The following VPS54 variants were observed in gnomAD, a reference collection of about 807,000 sequenced individuals.
VPS54 encodes the protein vacuolar protein sorting-associated protein 54.
Under a neutral mutation model 121.5 loss-of-function variants are expected in VPS54, and 45 were observed. The ratio of observed to expected loss-of-function variants is 0.37; its 90% CI spans 0.29 to 0.47. VPS54 has a LOEUF of 0.47. VPS54 is among the 20% of genes least tolerant of loss of function. The probability of loss-of-function intolerance (pLI) is 0.99; values close to 1 mark genes in which losing one functional copy is unlikely to be tolerated. For synonymous variants in VPS54, 371 were observed against 385.8 expected, an observed-to-expected ratio of 0.96 and a Z score of 0.45; for missense variants, 1,090 against 1,131.4, an observed-to-expected ratio of 0.96 and a Z score of 0.52.
chr2:64,017,950 C>A (rs911451556), intron 1 of VPS54, among the ~76,000 whole-genome samples: 9 of 152,180 alleles, frequency 5.9e-5, no homozygotes, highest in Non-Finnish European at 1.3e-4. Flanking sequence ...TCCCTCTGTT[C>A]CATCATTTAA....
chr2:63,993,845 G>A (rs888937664), intron 1 of VPS54, among the ~76,000 whole-genome samples: 1 of 152,146 alleles, frequency 6.6e-6, no homozygotes, highest in Admixed American at 6.5e-5. Context: ...TGGAAATGCT[G>A]GTTATGTAGG....
intron 7 of VPS54, among the ~76,000 whole-genome samples, chr2:63,960,221 G>A (rs538806165): frequency 6.6e-6 from 1 of 152,004 alleles, no homozygotes; most frequent in Non-Finnish European, 1.5e-5. Context: ...CTGGGCAGCA[G>A]AATAAAAACC....
chr2:63,905,798 G>C (rs911192781), intron 20 of VPS54, among the ~76,000 whole-genome samples: 1 of 151,890 alleles, frequency 6.6e-6, no homozygotes, highest in Non-Finnish European at 1.5e-5. Flanking sequence ...TCCTTAAGTA[G>C]GTTTATCCTA....
chr2:63,925,480 T>C lies in VPS54; in HGVS notation c.1740-4145A>G, dbSNP rs555016557. On this transcript the variant is annotated intron_variant, in intron 12 of 22. Transcript: ENST00000272322. ...GAGAAATTGTTAGGCATTAGCTAAATTGACCATTCACATACTTTGTTTCCA... is the reference window on the plus strand; with the variant it reads ...GAGAAATTGTTAGGCATTAGCTAAACTGACCATTCACATACTTTGTTTCCA... Among the ~76,000 whole-genome samples the C allele has an allele frequency of 5.3e-5, 8 of 152,374 alleles. No homozygotes were observed. In the East Asian group the frequency reaches 5.8e-4, roughly 11 times the overall value.
At chr2:63,926,038 T>C (rs1461777184) in intron 12 of VPS54, among the ~76,000 whole-genome samples, 1 of 152,236 alleles carries the variant, frequency 6.6e-6, no homozygotes, top group African/African-American at 2.4e-5. Flanking sequence ...AGATGGAAGG[T>C]GGGCTTAGTT....
At chr2:63,923,608 T>C (rs1673751566) in intron 12 of VPS54, among the ~76,000 whole-genome samples, 1 of 152,194 alleles carries the variant, frequency 6.6e-6, no homozygotes. Flanking sequence ...GAATGGAATA[T>C]TATTCAGCCT....
At chr2:64,006,786 T>C (rs1443634295) in intron 1 of VPS54, among the ~76,000 whole-genome samples, 1 of 151,970 alleles carries the variant, frequency 6.6e-6, no homozygotes, top group East Asian at 1.9e-4. Context: ...GCCCAGCTAA[T>C]TTCTGTAATT....
At chr2:63,913,931 G>T in intron 17 of VPS54, 1 of 1,274,362 alleles carries the variant, frequency 7.8e-7, no homozygotes, top group Non-Finnish European at 9.9e-7. Context: ...AGCACCTAAC[G>T]AACAAATCAT....
At position 63,912,603 on chromosome 2, in the gene VPS54, A is replaced by G; in HGVS notation, c.2481T>C (p.His827=). 1 of 1,596,626 alleles carries G rather than the reference A, an allele frequency of 6.3e-7. No homozygotes were observed. ...GCTTAGGTGGTAGTCGAGCTTCAAA[A>G]TGAGCCCGGATCACAGGAATGTAGT... ...IVHYIPVIRA[H]FEARLPPKQY... The change falls in exon 19 of 23, where the codon CAT becomes CAC. Residue 827 remains histidine, a synonymous_variant. Transcript: ENST00000272322.
At chr2:63,930,285 TCCAGCAGCACATCGAAAAGCTTATCCAC>T (rs1228188186) in intron 12 of VPS54, among the ~76,000 whole-genome samples, 1 of 152,058 alleles carries the variant, frequency 6.6e-6, no homozygotes, top group East Asian at 1.9e-4. Flanking sequence ...GCAAACCGAA[TCCAGCAGCACATCGAAAAGCTTATCCAC>T]CAAGATCAAG....
At chr2:63,943,727 C>CTTTCTTTTTTTTT in intron 10 of VPS54, among the ~76,000 whole-genome samples, 1 of 129,606 alleles carries the variant, frequency 7.7e-6, no homozygotes, top group Non-Finnish European at 1.6e-5. Context: ...TTCTTTCTTT[C>CTTTCTTTTTTTTT]TTTTTTTTTT....
At chr2:63,996,685 C>T (rs1446230690) in intron 1 of VPS54, among the ~76,000 whole-genome samples, 3 of 152,104 alleles carry the variant, frequency 2.0e-5, no homozygotes, top group African/African-American at 4.8e-5. Flanking sequence ...CATTCCCGGC[C>T]GGGGAGGGGG....
At chr2:63,897,352 GA>G (rs969186317) in intron 22 of VPS54, 143 bp downstream of exon 22, 818 of 511,754 alleles carry the variant, frequency 1.6e-3, no homozygotes, top group Middle Eastern at 2.9e-3. Flanking sequence ...TTCCACAGGG[GA>G]AAAAAAAAAC....
At chr2:63,962,593 C>T in intron 6 of VPS54, 150 bp from the exon 7 acceptor site, 1 of 987,558 alleles carries the variant, frequency 1.0e-6, no homozygotes, top group Non-Finnish European at 1.4e-6. Context: ...AAATTGGGCA[C>T]AACAAAATGG....
chr2:63,993,782 A>G (rs973527081), intron 1 of VPS54, among the ~76,000 whole-genome samples: 9 of 152,310 alleles, frequency 5.9e-5, no homozygotes, highest in African/African-American at 2.2e-4. Flanking sequence ...TCGATTGACC[A>G]AAGATCAGCC....
chr2:64,012,141 A>T (rs1668441432), intron 1 of VPS54, among the ~76,000 whole-genome samples: 1 of 151,986 alleles, frequency 6.6e-6, no homozygotes, highest in Admixed American at 6.6e-5. Context: ...TACTTTACTA[A>T]CTTCATTACT....
At chr2:63,999,400 T>C (rs1677763071) in intron 1 of VPS54, among the ~76,000 whole-genome samples, 1 of 152,228 alleles carries the variant, frequency 6.6e-6, no homozygotes, top group Non-Finnish European at 1.5e-5. Context: ...TCCTTCGGCA[T>C]TTGAAACATG....
rs560445618 is a variant in VPS54, at chr2:63,974,968, G to A, written c.379-2724C>T. 1.2e-5 allele frequency: 19 copies of A among 1,545,560 alleles called. 1 individual carries two copies. The South Asian group carries it at 2.3e-4, about 19-fold the overall frequency. On this transcript the variant is annotated intron_variant, in intron 3 of 22. Transcript: ENST00000272322. ...CCAAGACAATGTTAAAAGAAACAGT[G>A]ACAGGGGACATCCTTACCTTGATCC...
chr2:63,945,141 A>G (rs1035851314), intron 9 of VPS54, among the ~76,000 whole-genome samples: 3 of 152,206 alleles, frequency 2.0e-5, no homozygotes, highest in African/African-American at 7.2e-5. Context: ...ATCAACCTAA[A>G]TGCCCATCAA....
Sources: gnomAD v4.1 joint callset for allele counts (sites outside exome capture counted in the v4.1 genomes callset) on GRCh38, gnomAD v4.1.1 for gene constraint, MANE v1.5 for transcripts, NCBI Gene and HGNC (gene_info 2026-07-23, HGNC 2026-07-21) for gene names.